The following SEMA6D variants were observed in gnomAD, a reference collection of about 807,000 sequenced individuals.
SEMA6D encodes semaphorin 6D.
Under a neutral mutation model 106.6 loss-of-function variants are expected in SEMA6D, and 35 were observed. The observed-to-expected ratio is 0.33, with a 90% CI of 0.25 to 0.44. The LOEUF is 0.44. Ranked by LOEUF, SEMA6D falls within the 20% of genes least tolerant of loss-of-function variation. The pLI is 1.00. For missense variants in SEMA6D, 1,185 were observed against 1,345.9 expected (o/e 0.88, Z 1.87); for synonymous variants, 499 against 487.7 (o/e 1.02, Z -0.31).
chr15:47,760,030 C>A, intron 2 of SEMA6D, 123 bp downstream of exon 2: 1 of 774,210 alleles, frequency 1.3e-6, no homozygotes, highest in Non-Finnish European at 2.1e-6. Flanking sequence ...GAATTTGCAT[C>A]TGAGTTTATC....
intron 1 of SEMA6D, among the ~76,000 whole-genome samples, chr15:47,227,857 T>TTATATATTTTATATATATGAGAATCA (rs2031848069): frequency 9.3e-6 from 1 of 107,482 alleles, no homozygotes; most frequent in Admixed American, 9.6e-5. Flanking sequence ...AGTCCATACA[T>TTATATATTTTATATATATGAGAATCA]TATATATTTT....
intron 3 of SEMA6D, among the ~76,000 whole-genome samples, chr15:47,559,843 A>T (rs771956982): frequency 1.1e-4 from 16 of 152,152 alleles, no homozygotes; most frequent in Non-Finnish European, 2.1e-4. Context: ...TTTGAATGTC[A>T]TTCCCAGCTA....
intron 1 of SEMA6D, among the ~76,000 whole-genome samples, chr15:47,327,116 T>TGGCATCCCCTGGAACTGGGCC (rs1381142559): frequency 6.6e-6 from 1 of 152,160 alleles, no homozygotes; most frequent in Non-Finnish European, 1.5e-5. Context: ...GCTCAGGCCT[T>TGGCATCCCCTGGAACTGGGCC]GGCATCCCCT....
chr15:47,485,532 G>A (rs1000690130), intron 3 of SEMA6D, among the ~76,000 whole-genome samples: 4 of 152,082 alleles, frequency 2.6e-5, no homozygotes, highest in Admixed American at 1.3e-4. Flanking sequence ...ATACCAAAGA[G>A]AGTCATACAA....
chr15:47,756,106 T>A (rs2081716342), intron 1 of SEMA6D, among the ~76,000 whole-genome samples: 1 of 152,074 alleles, frequency 6.6e-6, no homozygotes, highest in African/African-American at 2.4e-5. Flanking sequence ...TGAATAAACA[T>A]AGCTAGTCAG....
rs112394437 is a variant in SEMA6D at position 47,237,677 on chromosome 15, T to G, written c.-239+53259T>G. The stretch of plus-strand genomic sequence containing the variant: ...GCTCTGTGAAGTTGCTTTGGGCTGC[T>G]CTAGGGTTTGAGAGTAGGTCTGTAT... On this transcript the variant is annotated intron_variant, in intron 1 of 19. Transcript: ENST00000558014. 8.9e-4 allele frequency among the ~76,000 whole-genome samples: 135 copies of G among 152,158 alleles called. 1 individual carries two copies. Among genetic ancestry groups the G allele is most frequent in the African/African-American group, 3.1e-3 (128 of 41,532 alleles).
chr15:47,215,001 T>C (rs2030429234), intron 1 of SEMA6D, among the ~76,000 whole-genome samples: 1 of 151,738 alleles, frequency 6.6e-6, no homozygotes, highest in East Asian at 1.9e-4. Context: ...ATGATCTGTC[T>C]ATAAGCAGTG....
intron 3 of SEMA6D, among the ~76,000 whole-genome samples, chr15:47,490,322 T>G (rs924882304): frequency 6.6e-6 from 1 of 152,158 alleles, no homozygotes; most frequent in Non-Finnish European, 1.5e-5. Context: ...CTTTATTAAG[T>G]TAAAAACTTT....
At chr15:47,687,381 G>A (rs17327778) in intron 4 of SEMA6D, among the ~76,000 whole-genome samples, 6,479 of 152,210 alleles carry the variant, frequency 0.043, 221 homozygotes, top group Non-Finnish European at 0.064. Flanking sequence ...TAGAAATAGT[G>A]TTGGGGTCCC....
intron 1 of SEMA6D, among the ~76,000 whole-genome samples, chr15:47,262,432 G>A (rs939861688): frequency 6.6e-6 from 1 of 152,032 alleles, no homozygotes; most frequent in Admixed American, 6.6e-5. Context: ...CATGGTTGAA[G>A]GCATATCTTC....
intron 1 of SEMA6D, among the ~76,000 whole-genome samples, chr15:47,722,854 G>T (rs1348240700): frequency 6.6e-6 from 1 of 152,074 alleles, no homozygotes; most frequent in South Asian, 2.1e-4. Context: ...TCTTTATATT[G>T]GTTATATCAT....
chr15:47,533,096 G>A (rs528947694), intron 3 of SEMA6D, among the ~76,000 whole-genome samples: 41 of 152,258 alleles, frequency 2.7e-4, no homozygotes, highest in African/African-American at 8.2e-4. Context: ...CTGATAATCC[G>A]TAGGCTGGCT....
chr15:47,752,416 C>G (rs1009902741), intron 1 of SEMA6D, among the ~76,000 whole-genome samples: 2 of 152,108 alleles, frequency 1.3e-5, no homozygotes, highest in Admixed American at 1.3e-4. Flanking sequence ...GACAGAGGAA[C>G]TAGAACACAG....
chr15:47,622,202 A>C (rs1321832740), intron 4 of SEMA6D, among the ~76,000 whole-genome samples: 4 of 112,306 alleles, frequency 3.6e-5, no homozygotes, highest in Admixed American at 2.5e-4. Flanking sequence ...AAACCCAGCC[A>C]AAAAAAAAAA....
intron 3 of SEMA6D, among the ~76,000 whole-genome samples, chr15:47,470,820 G>A (rs1379428592): frequency 1.3e-5 from 2 of 152,064 alleles, no homozygotes; most frequent in African/African-American, 2.4e-5. Context: ...AATAGGAGGA[G>A]AATAAAGATA....
At chr15:47,475,227 A>G (rs184344199) in intron 3 of SEMA6D, among the ~76,000 whole-genome samples, 44 of 152,324 alleles carry the variant, frequency 2.9e-4, no homozygotes, top group African/African-American at 8.4e-4. Flanking sequence ...ACCAATAGCA[A>G]TATATTCGAG....
intron 1 of SEMA6D, among the ~76,000 whole-genome samples, chr15:47,291,644 C>T (rs1247192073): frequency 6.6e-6 from 1 of 152,218 alleles, no homozygotes; most frequent in East Asian, 1.9e-4. Context: ...TTTCTCTACT[C>T]TGCCCTACAT....
At chr15:47,409,523 G>C (rs970464981) in intron 1 of SEMA6D, among the ~76,000 whole-genome samples, 3 of 152,136 alleles carry the variant, frequency 2.0e-5, no homozygotes, top group African/African-American at 7.2e-5. Context: ...CATAAATAAG[G>C]AGATTAGTCC....
chr15:47,295,700 G>A (rs1026489749), intron 1 of SEMA6D, among the ~76,000 whole-genome samples: 2 of 152,204 alleles, frequency 1.3e-5, no homozygotes, highest in African/African-American at 4.8e-5. Context: ...TTAGAATTAA[G>A]CACAGAGTTA....
Sources: allele counts gnomAD v4.1 joint callset (sites outside exome capture counted in the v4.1 genomes callset), GRCh38; gene constraint gnomAD v4.1.1; transcripts MANE v1.5; gene names NCBI Gene and HGNC (gene_info 2026-07-23, HGNC 2026-07-21).